Variants in KIRREL3 observed in about 807,000 individuals in gnomAD.
KIRREL3 encodes kirre like nephrin family adhesion molecule 3.
Under a neutral mutation model 89.7 loss-of-function variants are expected in KIRREL3, and 36 were observed. That is an observed-to-expected ratio of 0.40 (90% confidence interval 0.31 to 0.53). The LOEUF (loss-of-function observed/expected upper bound fraction) is 0.53. Ranked by LOEUF, KIRREL3 falls within the 20% of genes least tolerant of loss-of-function variation. The pLI, the probability that KIRREL3 is intolerant of heterozygous loss-of-function variation, is 0.49. For missense variants in KIRREL3, 864 were observed against 1,056.6 expected (o/e 0.82, Z 2.53); for synonymous variants, 445 against 441.4 (o/e 1.01, Z -0.10).
intron 4 of KIRREL3, among the ~76,000 whole-genome samples, chr11:126,506,191 T>C (rs972454764): frequency 4.6e-5 from 7 of 152,200 alleles, no homozygotes; most frequent in African/African-American, 1.7e-4. Context: ...TTTGTGACCT[T>C]TGATTAGGCA....
chr11:126,610,239 C>T lies in KIRREL3; in HGVS notation c.56-47327G>A, dbSNP rs1268925467. Among the ~76,000 whole-genome samples, 1 of 152,072 alleles carries T rather than the reference C, an allele frequency of 6.6e-6. No homozygotes were observed. The highest frequency in any genetic ancestry group is 1.5e-5 in the Non-Finnish European group (1 of 68,030). ...CCGAGTGGCTGGGATTACAGGCATG[C>T]ACCACCACGCCTGGCTAATTTTTGT... On this transcript the variant is annotated intron_variant, in intron 1 of 16. Transcript: ENST00000525144. This position sits in a 1 kb window ranked among gnomAD's most constrained non-coding sequence, Gnocchi z 4.6.
chr11:126,754,240 A>G lies in KIRREL3; in HGVS notation c.56-191328T>C, dbSNP rs1478806258. On this transcript the variant is annotated intron_variant, in intron 1 of 16. Transcript: ENST00000525144. The surrounding 1 kb of genome is among the most constrained non-coding windows in gnomAD (Gnocchi z 5.1). ...GTCCCTGCCAAAAGTTTTGCTTTGC[A>G]TCTGGCTACAGATCTAAATTTATTG... is the stretch of plus-strand genomic sequence containing the variant. 2.0e-5 allele frequency among the ~76,000 whole-genome samples: 3 copies of G among 152,340 alleles called. 1 individual carries two copies. The highest frequency in any genetic ancestry group is 4.4e-5 in the Non-Finnish European group (3 of 68,022).
At chr11:126,927,735 G>A (rs1265203925) in intron 1 of KIRREL3, among the ~76,000 whole-genome samples, 2 of 152,176 alleles carry the variant, frequency 1.3e-5, no homozygotes, top group African/African-American at 4.8e-5. Flanking sequence ...ACCAAGCATA[G>A]GAATGTGCTT....
In KIRREL3 at chr11:126,708,835, C is replaced by T. The variant is rs1420722245; in HGVS notation, c.56-145923G>A. 6.6e-6 allele frequency among the ~76,000 whole-genome samples: 1 copy of T among 152,216 alleles called. No individual in the cohort carries two copies. Among genetic ancestry groups the T allele is most frequent in the Non-Finnish European group, 1.5e-5 (1 of 68,028 alleles). On this transcript the variant is annotated intron_variant, in intron 1 of 16. Coordinates refer to ENST00000525144, the MANE Select transcript of KIRREL3 (RefSeq NM_032531.4). This position sits in a 1 kb window ranked among gnomAD's most constrained non-coding sequence, Gnocchi z 5.7. ...ATCATCACTAAGCCAGGTCAAAGGC[C>T]ATGGGATCAGCTGTGATCTCTCCCT...
At chr11:126,451,411 T>C (rs1036950626) in intron 7 of KIRREL3, among the ~76,000 whole-genome samples, 14 of 150,676 alleles carry the variant, frequency 9.3e-5, no homozygotes, top group Non-Finnish European at 1.8e-4. Context: ...TGTGTGCATG[T>C]GTGTGCATGT....
intron 1 of KIRREL3, among the ~76,000 whole-genome samples, chr11:126,679,438 T>G (rs1465297838): frequency 1.3e-5 from 2 of 152,236 alleles, no homozygotes; most frequent in African/African-American, 4.8e-5. Flanking sequence ...ATTTTGAAGC[T>G]TCAAAACATG....
intron 1 of KIRREL3, among the ~76,000 whole-genome samples, chr11:126,966,273 TA>T (rs1949267465): frequency 1.3e-5 from 2 of 152,128 alleles, no homozygotes; most frequent in Admixed American, 1.3e-4. Flanking sequence ...TTTAATAATG[TA>T]AAAGGAAAAA....
chr11:126,738,761 G>C (rs1040173414), intron 1 of KIRREL3, among the ~76,000 whole-genome samples: 6 of 152,164 alleles, frequency 3.9e-5, no homozygotes, highest in Admixed American at 2.6e-4. Flanking sequence ...AAAGCACCCA[G>C]AGAGATTTGC....
chr11:126,882,774 G>T (rs1478607352), intron 1 of KIRREL3, among the ~76,000 whole-genome samples: 1 of 152,134 alleles, frequency 6.6e-6, no homozygotes, highest in Non-Finnish European at 1.5e-5. Context: ...TCCCATGCTT[G>T]GACTGACTAA....
intron 1 of KIRREL3, among the ~76,000 whole-genome samples, chr11:126,928,898 C>T (rs766317122): frequency 6.6e-6 from 1 of 152,080 alleles, no homozygotes; most frequent in Non-Finnish European, 1.5e-5. Context: ...TAAGGCCAAA[C>T]TATGGGCTTG....
chr11:126,714,392 C>A (rs1947877813), intron 1 of KIRREL3, among the ~76,000 whole-genome samples: 1 of 152,220 alleles, frequency 6.6e-6, no homozygotes, highest in African/African-American at 2.4e-5. Flanking sequence ...TGGCCACAGC[C>A]CCTTAGCATT....
At position 126,754,488 on chromosome 11, in the gene KIRREL3, T is replaced by C. The variant is rs776393634; in HGVS notation, c.56-191576A>G. Among the ~76,000 whole-genome samples, 16 of 152,080 alleles carry C rather than the reference T, an allele frequency of 1.1e-4. No homozygotes were observed. The highest frequency in any genetic ancestry group is 2.1e-4 in the Non-Finnish European group (14 of 68,014). On this transcript the variant is annotated intron_variant, in intron 1 of 16. Coordinates refer to ENST00000525144, the MANE Select transcript of KIRREL3 (RefSeq NM_032531.4). The surrounding 1 kb of genome is among the most constrained non-coding windows in gnomAD (Gnocchi z 5.1). ...TGCTAATTAACATGCACAGAAAATA[T>C]CAGAACAAAATGGGCAGAGTCTACT...
intron 1 of KIRREL3, among the ~76,000 whole-genome samples, chr11:126,616,211 A>C (rs1365599674): frequency 6.6e-6 from 1 of 152,194 alleles, no homozygotes; most frequent in African/African-American, 2.4e-5. Context: ...GGGCGGCTGC[A>C]AGGAAGGCTG....
rs145247574 is a variant in KIRREL3, at chr11:126,658,213, G to A, written c.56-95301C>T. 1.8e-4 allele frequency among the ~76,000 whole-genome samples: 27 copies of A among 152,310 alleles called. 1 individual carries two copies. In the East Asian group the frequency reaches 5.2e-3, roughly 29 times the overall value. ...GAATAAGGAAGCTTTTGATGATCTC[G>A]AATAATGTGGATATCTACATCATTT... On this transcript the variant is annotated intron_variant, in intron 1 of 16. Transcript: ENST00000525144.
chr11:126,449,503 A>T (rs1442413243), intron 7 of KIRREL3, among the ~76,000 whole-genome samples: 1 of 152,202 alleles, frequency 6.6e-6, no homozygotes, highest in Non-Finnish European at 1.5e-5. Flanking sequence ...GTCAGTGGGC[A>T]GACAGCTCGC....
intron 5 of KIRREL3, among the ~76,000 whole-genome samples, chr11:126,469,554 C>A (rs1057485617): frequency 6.6e-6 from 1 of 152,242 alleles, no homozygotes; most frequent in African/African-American, 2.4e-5. Context: ...ACTGGGTATA[C>A]TCCACATCAC....
rs1362979960 is a variant in KIRREL3, at chr11:126,624,221, G to C, written c.56-61309C>G. 6.6e-6 allele frequency among the ~76,000 whole-genome samples: 1 copy of C among 152,094 alleles called. No individual in the cohort carries two copies. Among genetic ancestry groups the C allele is most frequent in the Admixed American group, 6.5e-5 (1 of 15,268 alleles). ...GGGGGTGGCGGTGTGGCGGGGAGGA[G>C]GCCAGAATGAAAGATAGGAGGATCA... On this transcript the variant is annotated intron_variant, in intron 1 of 16. Coordinates refer to ENST00000525144, the MANE Select transcript of KIRREL3 (RefSeq NM_032531.4). This position sits in a 1 kb window ranked among gnomAD's most constrained non-coding sequence, Gnocchi z 6.0.
Position 126,446,768 on chromosome 11 carries a change from G to T in KIRREL3, c.1116C>A (p.Gly372=). ...PSLTIVWMKR[G]SGVVLSNEKT... ...TGAGCTGCAGCCTCACCACTCCGGA[G>T]CCCCGCTTCATCCAGACGATGGTCA... The change falls in exon 9 of 17, where the codon GGC becomes GGA. Residue 372 remains glycine, a synonymous_variant. Transcript: ENST00000525144. The T allele has an allele frequency of 6.2e-7, 1 of 1,600,562 alleles. No homozygotes were observed. The highest frequency in any genetic ancestry group is 1.1e-5 in the South Asian group (1 of 88,172).
intron 1 of KIRREL3, among the ~76,000 whole-genome samples, chr11:126,836,857 T>C (rs1174651529): frequency 6.6e-6 from 1 of 152,178 alleles, no homozygotes; most frequent in Non-Finnish European, 1.5e-5. Context: ...TCGCATGACA[T>C]CCTGTGCCTG....
Sources: allele counts gnomAD v4.1 joint callset (sites outside exome capture counted in the v4.1 genomes callset), GRCh38; gene constraint gnomAD v4.1.1; non-coding constraint Gnocchi (gnomAD v3.1); transcripts MANE v1.5; gene names NCBI Gene and HGNC (gene_info 2026-07-23, HGNC 2026-07-21).